The following AGBL1 variants were observed in gnomAD, a reference collection of about 807,000 sequenced individuals.
AGBL1 encodes the protein cytosolic carboxypeptidase 4.
AGBL1 carries 130 observed loss-of-function variants against 118.9 expected under a neutral mutation model. That is an observed-to-expected ratio of 1.09 (90% CI 0.95 to 1.26). AGBL1 has a LOEUF of 1.26. Ranked by LOEUF, AGBL1 falls within the 50% of genes most tolerant of loss-of-function variation. AGBL1 has a pLI of 0.00. For missense variants in AGBL1, 1,584 were observed against 1,298.1 expected (o/e 1.22, Z -3.38); for synonymous variants, 555 against 478.9 (o/e 1.16, Z -2.08).
chr15:86,146,316 A>C (rs1002018857), intron 3 of AGBL1, among the ~76,000 whole-genome samples: 1 of 152,240 alleles, frequency 6.6e-6, no homozygotes, highest in Non-Finnish European at 1.5e-5. Context: ...AATGATTTAC[A>C]TAGCATTTAC....
chr15:86,159,376 G>A (rs1482678352), intron 5 of AGBL1, among the ~76,000 whole-genome samples: 1 of 152,060 alleles, frequency 6.6e-6, no homozygotes, highest in African/African-American at 2.4e-5. Flanking sequence ...TTTGCCTGAA[G>A]CCCTCAGGTA....
chr15:86,226,448 C>T (rs951122001), intron 6 of AGBL1, among the ~76,000 whole-genome samples: 17 of 152,106 alleles, frequency 1.1e-4, no homozygotes, highest in Admixed American at 1.1e-3. Context: ...GGAAGGGAGC[C>T]CAGAGAGCTG....
At chr15:86,621,286 A>C (rs949941880) in intron 21 of AGBL1, among the ~76,000 whole-genome samples, 8 of 152,222 alleles carry the variant, frequency 5.3e-5, no homozygotes, top group African/African-American at 1.9e-4. Flanking sequence ...GATTCAACAG[A>C]TCCTGGTTCA....
chr15:86,811,197 C>T (rs1460405044), intron 22 of AGBL1, among the ~76,000 whole-genome samples: 2 of 152,130 alleles, frequency 1.3e-5, no homozygotes, highest in Non-Finnish European at 2.9e-5. Context: ...ATGTCATTTA[C>T]AATAGGCCAA....
intron 22 of AGBL1, among the ~76,000 whole-genome samples, chr15:86,858,882 C>G (rs1435989293): frequency 6.6e-6 from 1 of 152,152 alleles, no homozygotes; most frequent in South Asian, 2.1e-4. Context: ...GCCTTCTTCT[C>G]AGTTGTATTA....
At chr15:86,722,957 C>T (rs2086751710) in intron 22 of AGBL1, among the ~76,000 whole-genome samples, 1 of 151,998 alleles carries the variant, frequency 6.6e-6, no homozygotes, top group Non-Finnish European at 1.5e-5. Context: ...CAATGAGATA[C>T]CATCTCCCAC....
intron 14 of AGBL1, 149 bp from the exon 15 acceptor site, chr15:86,271,470 A>T: frequency 1.5e-6 from 1 of 661,066 alleles, no homozygotes; most frequent in Non-Finnish European, 2.7e-6. Flanking sequence ...AAGATCCTTA[A>T]CTTAATCATA....
intron 5 of AGBL1, among the ~76,000 whole-genome samples, chr15:86,182,109 T>C (rs1232657720): frequency 6.6e-6 from 1 of 151,984 alleles, no homozygotes; most frequent in Non-Finnish European, 1.5e-5. Context: ...AAGCAAGAAA[T>C]GGACTGGTTT....
At chr15:86,352,365 A>G (rs1041855831) in intron 17 of AGBL1, among the ~76,000 whole-genome samples, 3 of 152,302 alleles carry the variant, frequency 2.0e-5, no homozygotes, top group African/African-American at 4.8e-5. Flanking sequence ...GCAACATGTC[A>G]GTAGGCAACT....
Position 86,748,277 on chromosome 15 carries a change from C to G in AGBL1, c.3158+73841C>G, listed in dbSNP as rs144685892. 6.2e-3 allele frequency among the ~76,000 whole-genome samples: 937 copies of G among 152,084 alleles called. 44 individuals carry two copies. In the East Asian group the frequency reaches 0.13, roughly 20 times the overall value. On this transcript the variant is annotated intron_variant, in intron 22 of 22. Coordinates refer to ENST00000614907, the MANE Select transcript of AGBL1 (RefSeq NM_001386094.1). ...TGTCTGTTGGCAGCATAAATGTCTTCTTTTGAGAAGTGTCTGTTCATATCC... is the reference window on the plus strand; with the variant it reads ...TGTCTGTTGGCAGCATAAATGTCTTGTTTTGAGAAGTGTCTGTTCATATCC...
intron 23 of AGBL1, among the ~76,000 whole-genome samples, chr15:86,926,856 T>C (rs1316802901): frequency 6.6e-6 from 1 of 152,132 alleles, no homozygotes; most frequent in Non-Finnish European, 1.5e-5. Flanking sequence ...AAATCTCCAC[T>C]CAGGCCAGGC....
chr15:86,452,938 C>T (rs1197799044), intron 18 of AGBL1, among the ~76,000 whole-genome samples: 1 of 152,182 alleles, frequency 6.6e-6, no homozygotes, highest in Non-Finnish European at 1.5e-5. Context: ...TCAATAATAA[C>T]CTAATTAGGT....
rs1935395964 is a variant in AGBL1 at position 86,265,973 on chromosome 15, C to T, written c.1668-401C>T. ...AGGGTACACAGGCTTATTGGATCCT[C>T]CCAAACCTTGAAGATGCTAGCAGCT... On this transcript the variant is annotated intron_variant, in intron 11 of 22. Coordinates refer to ENST00000614907, the MANE Select transcript of AGBL1 (RefSeq NM_001386094.1). 2.0e-5 allele frequency among the ~76,000 whole-genome samples: 3 copies of T among 152,172 alleles called. No homozygotes were observed. In the South Asian group the frequency reaches 6.2e-4, roughly 32 times the overall value.
chr15:86,165,321 G>T (rs1230855582), intron 5 of AGBL1, among the ~76,000 whole-genome samples: 1 of 152,062 alleles, frequency 6.6e-6, no homozygotes, highest in Non-Finnish European at 1.5e-5. Context: ...GCCCTTTCTG[G>T]TGATTTCATC....
intron 18 of AGBL1, among the ~76,000 whole-genome samples, chr15:86,453,523 T>G (rs1465617086): frequency 6.6e-6 from 1 of 152,242 alleles, no homozygotes; most frequent in Admixed American, 6.5e-5. Context: ...GGTAGCTTGA[T>G]GGAGGCATTT....
chr15:86,327,932 A>G (rs1434411521), intron 17 of AGBL1, among the ~76,000 whole-genome samples: 1 of 152,190 alleles, frequency 6.6e-6, no homozygotes, highest in Non-Finnish European at 1.5e-5. Context: ...TTTAAAGGAA[A>G]GAAGAAGAAT....
chr15:86,787,474 G>A (rs977326499), intron 22 of AGBL1, among the ~76,000 whole-genome samples: 2 of 151,986 alleles, frequency 1.3e-5, no homozygotes, highest in African/African-American at 2.4e-5. Flanking sequence ...CTGTTTCCAT[G>A]TATTCAACTT....
At chr15:86,210,605 T>C (rs1229094187) in intron 5 of AGBL1, among the ~76,000 whole-genome samples, 1 of 152,252 alleles carries the variant, frequency 6.6e-6, no homozygotes, top group East Asian at 1.9e-4. Context: ...CTTGATCTAA[T>C]CAGCTATTGA....
chr15:86,903,115 G>T (rs1212454800), intron 22 of AGBL1, among the ~76,000 whole-genome samples: 1 of 151,804 alleles, frequency 6.6e-6, no homozygotes, highest in Non-Finnish European at 1.5e-5. Flanking sequence ...TTTTTGTTCA[G>T]ACTGGGTTTT....
Sources: allele counts gnomAD v4.1 joint callset (sites outside exome capture counted in the v4.1 genomes callset), GRCh38; gene constraint gnomAD v4.1.1; transcripts MANE v1.5; gene names NCBI Gene and HGNC (gene_info 2026-07-23, HGNC 2026-07-21).